The following KIF20B variants were observed in gnomAD, a reference collection of about 807,000 sequenced individuals.
KIF20B encodes kinesin-like protein KIF20B.
Under a neutral mutation model 232.5 loss-of-function variants are expected in KIF20B, and 188 were observed. The ratio of observed to expected loss-of-function variants is 0.81; its 90% CI spans 0.72 to 0.91. KIF20B has a LOEUF of 0.91. KIF20B is among the 40% of genes least tolerant of loss of function. KIF20B has a pLI of 0.00. For missense variants in KIF20B, 2,154 were observed against 2,055.9 expected, an observed-to-expected ratio of 1.05 and a Z score of -0.92; for synonymous variants, 712 against 683.0, an observed-to-expected ratio of 1.04 and a Z score of -0.66.
chr10:89,760,790 T>G (rs990849929), intron 28 of KIF20B, among the ~76,000 whole-genome samples, 154 bp downstream of exon 28: 1 of 152,220 alleles, frequency 6.6e-6, no homozygotes, highest in Non-Finnish European at 1.5e-5. Flanking sequence ...TGAGGAGAGG[T>G]GAAATTCTTT....
intron 5 of KIF20B, among the ~76,000 whole-genome samples, 197 bp downstream of exon 5, chr10:89,710,262 C>G (rs1381790259): frequency 2.1e-5 from 3 of 143,712 alleles, no homozygotes; most frequent in African/African-American, 7.8e-5. Context: ...CACTCTGTTG[C>G]CCAGGCTGGA....
At chr10:89,759,929 T>A (rs1465003542) in intron 27 of KIF20B, among the ~76,000 whole-genome samples, 1 of 152,160 alleles carries the variant, frequency 6.6e-6, no homozygotes, top group Non-Finnish European at 1.5e-5. Flanking sequence ...AAAAATGTAA[T>A]CTATTTCTTT....
intron 25 of KIF20B, among the ~76,000 whole-genome samples, chr10:89,753,089 A>T (rs1045164925): frequency 6.6e-6 from 1 of 152,212 alleles, no homozygotes; most frequent in African/African-American, 2.4e-5. Context: ...AATTATTGGA[A>T]TAGAATTGTA....
At chr10:89,740,043 C>T (rs747658005) in intron 21 of KIF20B, among the ~76,000 whole-genome samples, 1 of 152,064 alleles carries the variant, frequency 6.6e-6, no homozygotes, top group African/African-American at 2.4e-5. Context: ...TCTTGGTACA[C>T]ATATGCAAAA....
intron 27 of KIF20B, among the ~76,000 whole-genome samples, chr10:89,759,168 C>T (rs1842190475): frequency 6.6e-6 from 1 of 151,860 alleles, no homozygotes; most frequent in South Asian, 2.1e-4. Context: ...AGAAAATCAA[C>T]AATTTATGGT....
At chr10:89,717,310 T>C (rs997028692) in intron 9 of KIF20B, 114 bp from the exon 10 acceptor site, 29 of 640,220 alleles carry the variant, frequency 4.5e-5, no homozygotes, top group Non-Finnish European at 5.4e-5. Flanking sequence ...GAAAATGCAA[T>C]GGTGGACTGT....
intron 22 of KIF20B, among the ~76,000 whole-genome samples, chr10:89,744,656 G>C (rs1173869509): frequency 6.6e-6 from 1 of 151,994 alleles, no homozygotes; most frequent in Non-Finnish European, 1.5e-5. Flanking sequence ...TCCCTTTATT[G>C]TATATGGTTA....
rs775411838 is a variant in KIF20B, at chr10:89,710,031, G to T, written c.456G>T (p.Gly152=). 1.2e-6 allele frequency: 2 copies of T among 1,608,794 alleles called. No homozygotes were observed. The highest frequency in any genetic ancestry group is 1.7e-5 in the Admixed American group (1 of 59,314). Reference sequence around the variant, plus strand: ...AGAGTCGTCTGATTTTTACTTACGGGCTAACCAATTCAGGAAAAACATATA... The same window carrying T: ...AGAGTCGTCTGATTTTTACTTACGGTCTAACCAATTCAGGAAAAACATATA... ...KGQSRLIFTY[G]LTNSGKTYTF... is the part of the protein sequence containing the mutation. Residue 152 remains glycine (G), a synonymous_variant, in exon 5 of 33, where the codon GGG becomes GGT. Coordinates refer to ENST00000371728, the MANE Select transcript of KIF20B (RefSeq NM_001284259.2).
At chr10:89,719,818 G>T in intron 13 of KIF20B, 112 bp downstream of exon 13, 1 of 809,390 alleles carries the variant, frequency 1.2e-6, no homozygotes, top group Non-Finnish European at 1.9e-6. Context: ...AAGTTTTTGT[G>T]TTCAACTTTA....
At chr10:89,735,954 C>G (rs1226300182) in intron 19 of KIF20B, among the ~76,000 whole-genome samples, 1 of 152,108 alleles carries the variant, frequency 6.6e-6, no homozygotes, top group Non-Finnish European at 1.5e-5. Context: ...GATCATTAAA[C>G]AAGAAGAATT....
intron 20 of KIF20B, 120 bp downstream of exon 20, chr10:89,738,737 A>G: frequency 7.7e-7 from 1 of 1,290,454 alleles, no homozygotes; most frequent in South Asian, 1.7e-5. Context: ...ATGATGAGTG[A>G]AGAACTTGAA....
At chr10:89,757,976 C>T (rs540286039) in intron 26 of KIF20B, among the ~76,000 whole-genome samples, 1 of 151,990 alleles carries the variant, frequency 6.6e-6, no homozygotes, top group African/African-American at 2.4e-5. Flanking sequence ...ATTGATTTCT[C>T]TGTCTTTACA....
chr10:89,715,059 G>T lies in KIF20B; in HGVS notation c.817G>T (p.Val273Phe). The T allele has an allele frequency of 6.2e-7, 1 of 1,605,982 alleles. No individual in the cohort carries two copies. Among genetic ancestry groups the T allele is most frequent in the Non-Finnish European group, 8.5e-7 (1 of 1,175,226 alleles). ...TAATAGTATAAAATTTTCTGTGTGG[G>T]TTTCTTTCTTTGAAATTTACAATGA... ...MANSIKFSVW[V>F]SFFEIYNEYI... The change falls in exon 8 of 33, where the codon GTT becomes TTT. Residue 273 changes from valine to phenylalanine, a missense_variant. Physicochemically the swap from Val to Phe is conservative, Grantham distance 50. Coordinates refer to ENST00000371728, the MANE Select transcript of KIF20B (RefSeq NM_001284259.2).
At chr10:89,709,874 A>G (rs1842802411) in intron 4 of KIF20B, 53 bp from the exon 5 acceptor site, 14 of 1,460,418 alleles carry the variant, frequency 9.6e-6, no homozygotes, top group Admixed American at 2.2e-5. Flanking sequence ...GGAACACACT[A>G]TTAATATTAA....
chr10:89,740,526 G>A (rs961870573), intron 21 of KIF20B, among the ~76,000 whole-genome samples: 3 of 152,256 alleles, frequency 2.0e-5, no homozygotes, highest in Admixed American at 6.5e-5. Flanking sequence ...GGGTGGGACT[G>A]AAATTTCCAA....
chr10:89,727,895 A>G lies in KIF20B; in HGVS notation c.2270A>G (p.Lys757Arg), dbSNP rs756411084. The change falls in exon 17 of 33, where the codon AAG (lysine) becomes AGG (arginine). Residue 757 changes from lysine to arginine, a missense_variant and splice_region_variant. Lys to Arg is a conservative substitution (Grantham distance 26, BLOSUM62 2). Transcript: ENST00000371728. ...SLIQELETSNKKIITQNQRIK... is the reference protein window; with the variant it reads ...SLIQELETSNRKIITQNQRIK... ...ATTCAAGAGCTTGAGACATCTAATA[A>G]GGTAATGCTTTAAGTTTTATTTTGT... The G allele has an allele frequency of 6.4e-7, 1 of 1,553,728 alleles. No homozygotes were observed. The highest frequency in any genetic ancestry group is 1.1e-5 in the South Asian group (1 of 87,012).
At chr10:89,771,971 C>G (rs2133183087) in intron 31 of KIF20B, among the ~76,000 whole-genome samples, 1 of 152,020 alleles carries the variant, frequency 6.6e-6, no homozygotes, top group Middle Eastern at 3.4e-3. Context: ...TACCTGGACT[C>G]TCAGCTCTCT....
chr10:89,710,006 A>G lies in KIF20B; in HGVS notation c.431A>G (p.Gln144Arg), dbSNP rs190543605. 3.1e-6 allele frequency: 5 copies of G among 1,612,578 alleles called. No individual in the cohort carries two copies. The African/African-American group carries it at 6.7e-5, about 21-fold the overall frequency. ...MQPVKDLLKGQSRLIFTYGLT... is the reference protein window; with the variant it reads ...MQPVKDLLKGRSRLIFTYGLT... ...CCAGTAAAAGACCTCTTGAAAGGAC[A>G]GAGTCGTCTGATTTTTACTTACGGG... The change falls in exon 5 of 33, where the codon CAG (glutamine) becomes CGG (arginine). Residue 144 changes from glutamine (Q) to arginine (R), a missense_variant. By Grantham distance (43) the Gln-to-Arg change is conservative (BLOSUM62 1). Coordinates refer to ENST00000371728, the MANE Select transcript of KIF20B (RefSeq NM_001284259.2).
chr10:89,710,215 GTTT>G (rs10672232), intron 5 of KIF20B, 150 bp downstream of exon 5: 537 of 282,792 alleles, frequency 1.9e-3, no homozygotes, highest in Middle Eastern at 3.5e-3. Flanking sequence ...ACGTATTGCT[GTTT>G]TTTTTTTTTT....
Sources: gnomAD v4.1 joint callset for allele counts (sites outside exome capture counted in the v4.1 genomes callset) on GRCh38, gnomAD v4.1.1 for gene constraint, MANE v1.5 for transcripts, NCBI Gene and HGNC (gene_info 2026-07-23, HGNC 2026-07-21) for gene names.